Variants in LRRTM4 observed in about 807,000 individuals in gnomAD.
LRRTM4 encodes the protein leucine-rich repeat transmembrane neuronal protein 4.
LRRTM4 carries 25 observed loss-of-function variants against 47.6 expected under a neutral mutation model. That is an observed-to-expected ratio of 0.53 (90% CI 0.38 to 0.73). The LOEUF is 0.73. Ranked by LOEUF, LRRTM4 falls within the 30% of genes least tolerant of loss-of-function variation. The pLI is 0.00. For synonymous variants in LRRTM4, 311 were observed against 269.5 expected, an observed-to-expected ratio of 1.15 and a Z score of -1.51; for missense variants, 638 against 713.4, an observed-to-expected ratio of 0.89 and a Z score of 1.20.
intron 3 of LRRTM4, among the ~76,000 whole-genome samples, chr2:76,778,354 C>T (rs1425885277): frequency 7.1e-6 from 1 of 141,370 alleles, no homozygotes; most frequent in South Asian, 2.3e-4. Context: ...CCTCCTTGTA[C>T]CTCTGGTAGA....
chr2:77,100,904 C>T lies in LRRTM4; in HGVS notation c.1552-351988G>A, dbSNP rs1382477129. ...ACTCTGGAGTGCAGTGGTGCGATCT[C>T]GGCTCACTGCAACCTCTGCTTCCCG... is the stretch of plus-strand genomic sequence containing the variant. On this transcript the variant is annotated intron_variant, in intron 3 of 3. Coordinates refer to ENST00000409884, the MANE Select transcript of LRRTM4 (RefSeq NM_001134745.3). Among the ~76,000 whole-genome samples, 8 of 140,490 alleles carry T rather than the reference C, an allele frequency of 5.7e-5. No homozygotes were observed. The East Asian group carries it at 6.3e-4, about 11-fold the overall frequency. The allele number at this position is 140,490 out of a possible 152,430, so 92.2% of individuals were successfully genotyped here. A position where few individuals can be genotyped will look rare whatever the true frequency, so the allele number is the denominator to read the frequency against.
At chr2:77,052,537 T>C (rs1679472820) in intron 3 of LRRTM4, among the ~76,000 whole-genome samples, 1 of 152,048 alleles carries the variant, frequency 6.6e-6, no homozygotes, top group African/African-American at 2.4e-5. Flanking sequence ...ATGTTACTCA[T>C]CTAATAAGTT....
chr2:77,167,193 A>G (rs751097597), intron 3 of LRRTM4, among the ~76,000 whole-genome samples: 3 of 152,246 alleles, frequency 2.0e-5, no homozygotes, highest in Non-Finnish European at 2.9e-5. Flanking sequence ...TAACAGACTC[A>G]TGAAAAAATG....
chr2:77,163,463 G>T (rs1672789202), intron 3 of LRRTM4, among the ~76,000 whole-genome samples: 1 of 152,082 alleles, frequency 6.6e-6, no homozygotes, highest in South Asian at 2.1e-4. Flanking sequence ...TCAAATTCAG[G>T]AAATATAGAG....
chr2:77,371,347 C>T (rs1341729376), intron 3 of LRRTM4, among the ~76,000 whole-genome samples: 1 of 151,770 alleles, frequency 6.6e-6, no homozygotes, highest in Non-Finnish European at 1.5e-5. Context: ...GCTAGGCCTT[C>T]AGCACCACCT....
At chr2:76,902,294 T>C (rs185764902) in intron 3 of LRRTM4, among the ~76,000 whole-genome samples, 2 of 152,300 alleles carry the variant, frequency 1.3e-5, no homozygotes, top group Non-Finnish European at 2.9e-5. Flanking sequence ...TCAGAAATCA[T>C]TTGTGTTTTT....
chr2:77,013,281 T>G (rs971841968), intron 3 of LRRTM4, among the ~76,000 whole-genome samples: 1 of 152,176 alleles, frequency 6.6e-6, no homozygotes, highest in East Asian at 1.9e-4. Flanking sequence ...GTTGGCTGCA[T>G]AGAGCAGATG....
At chr2:77,118,969 T>A (rs111869236) in intron 3 of LRRTM4, among the ~76,000 whole-genome samples, 1,584 of 151,928 alleles carry the variant, frequency 0.01, 32 homozygotes, top group African/African-American at 0.036. Context: ...TAGCCAGGCA[T>A]GGGATTACTC....
chr2:76,820,030 C>T lies in LRRTM4; in HGVS notation c.1552-71114G>A, dbSNP rs1184934463. 5.9e-5 allele frequency among the ~76,000 whole-genome samples: 9 copies of T among 151,988 alleles called. No homozygotes were observed. The East Asian group carries it at 1.7e-3, about 29-fold the overall frequency. On this transcript the variant is annotated intron_variant, in intron 3 of 3. Transcript: ENST00000409884. ...CCCACATGTTCTTACAGATATCCACCCCCAGTTCTCTTTTCCTTTAATAAA... is the reference window on the plus strand; with the variant it reads ...CCCACATGTTCTTACAGATATCCACTCCCAGTTCTCTTTTCCTTTAATAAA...
chr2:77,413,287 G>C (rs1053322177), intron 3 of LRRTM4, among the ~76,000 whole-genome samples: 2 of 152,106 alleles, frequency 1.3e-5, no homozygotes, highest in African/African-American at 4.8e-5. Flanking sequence ...TAGTTGCTGC[G>C]AAGGCTCAAA....
At chr2:77,207,691 C>G (rs974375130) in intron 3 of LRRTM4, among the ~76,000 whole-genome samples, 4 of 151,644 alleles carry the variant, frequency 2.6e-5, no homozygotes, top group Admixed American at 6.6e-5. Flanking sequence ...TAGATTTTAG[C>G]TGGTCTCTAG....
intron 3 of LRRTM4, among the ~76,000 whole-genome samples, chr2:77,142,047 C>T (rs1159813804): frequency 6.6e-6 from 1 of 152,112 alleles, no homozygotes; most frequent in Non-Finnish European, 1.5e-5. Context: ...TAGTTACCAA[C>T]AGATTGCTTG....
At chr2:77,215,670 C>G (rs1369445232) in intron 3 of LRRTM4, among the ~76,000 whole-genome samples, 1 of 152,108 alleles carries the variant, frequency 6.6e-6, no homozygotes, top group East Asian at 1.9e-4. Context: ...CTCTGAGGCA[C>G]TATTTTATTC....
intron 3 of LRRTM4, among the ~76,000 whole-genome samples, chr2:77,202,958 A>G (rs1674017017): frequency 6.6e-6 from 1 of 152,024 alleles, no homozygotes; most frequent in African/African-American, 2.4e-5. Flanking sequence ...AGTGCTTTGG[A>G]AGGCCCTCAG....
chr2:77,494,837 T>A (rs2104057299), intron 3 of LRRTM4, among the ~76,000 whole-genome samples: 1 of 152,242 alleles, frequency 6.6e-6, no homozygotes, highest in East Asian at 1.9e-4. Context: ...ACTAAACTTC[T>A]ATCACAATAA....
chr2:76,811,882 T>C (rs1184310249), intron 3 of LRRTM4, among the ~76,000 whole-genome samples: 1 of 151,496 alleles, frequency 6.6e-6, no homozygotes, highest in Non-Finnish European at 1.5e-5. Context: ...TAGGAAAACA[T>C]GTAAAACTGA....
intron 3 of LRRTM4, among the ~76,000 whole-genome samples, chr2:76,899,227 T>C (rs954202820): frequency 6.6e-6 from 1 of 150,982 alleles, no homozygotes; most frequent in African/African-American, 2.4e-5. Context: ...AGAGAGATGC[T>C]GGGACACAGA....
chr2:77,043,668 T>C (rs1044576237), intron 3 of LRRTM4, among the ~76,000 whole-genome samples: 1 of 151,890 alleles, frequency 6.6e-6, no homozygotes, highest in Non-Finnish European at 1.5e-5. Context: ...AAAATTATCA[T>C]ATAAATGTGC....
At chr2:77,324,875 A>G (rs1670699317) in intron 3 of LRRTM4, among the ~76,000 whole-genome samples, 1 of 152,198 alleles carries the variant, frequency 6.6e-6, no homozygotes, top group African/African-American at 2.4e-5. Context: ...AAGAGTAAAA[A>G]TACCTGTAGG....
Sources: allele counts gnomAD v4.1 joint callset (sites outside exome capture counted in the v4.1 genomes callset), GRCh38; gene constraint gnomAD v4.1.1; transcripts MANE v1.5; gene names NCBI Gene and HGNC (gene_info 2026-07-23, HGNC 2026-07-21).